Variants in GLS observed in about 807,000 individuals in gnomAD.
GLS encodes glutaminase.
GLS carries 36 observed loss-of-function variants against 86.7 expected under a neutral mutation model. The ratio of observed to expected loss-of-function variants is 0.42; its 90% CI spans 0.32 to 0.55. The LOEUF (loss-of-function observed/expected upper bound fraction) is 0.55. GLS is among the 20% of genes least tolerant of loss of function. The pLI is 0.17. For missense variants in GLS, 528 were observed against 833.4 expected (o/e 0.63, Z 4.51); for synonymous variants, 317 against 305.9 (o/e 1.04, Z -0.38).
intron 14 of GLS, among the ~76,000 whole-genome samples, chr2:190,945,291 G>T (rs1690548514): frequency 6.6e-6 from 1 of 152,066 alleles, no homozygotes; most frequent in Non-Finnish European, 1.5e-5. Flanking sequence ...TGTCTTCATA[G>T]GTTGTCAGAT....
chr2:190,937,856 TTG>T, intron 14 of GLS, among the ~76,000 whole-genome samples: 1 of 150,078 alleles, frequency 6.7e-6, no homozygotes, highest in Non-Finnish European at 1.5e-5. Flanking sequence ...TTTTTTTTTT[TTG>T]TAAATTTCAT....
intron 1 of GLS, among the ~76,000 whole-genome samples, chr2:190,886,640 G>C (rs1574557099): frequency 6.6e-6 from 1 of 152,182 alleles, no homozygotes; most frequent in Admixed American, 6.5e-5. Flanking sequence ...ATCAGGCTGG[G>C]CGTGGTGGCT....
At chr2:190,912,107 C>T (rs1185672029) in intron 7 of GLS, among the ~76,000 whole-genome samples, 3 of 152,008 alleles carry the variant, frequency 2.0e-5, no homozygotes, top group Non-Finnish European at 4.4e-5. Context: ...CATTGAGCTG[C>T]ATTTTAGTAT....
chr2:190,898,108 T>G (rs1361745472), intron 3 of GLS, among the ~76,000 whole-genome samples: 1 of 152,220 alleles, frequency 6.6e-6, no homozygotes, highest in Non-Finnish European at 1.5e-5. Context: ...ATTAAAACTT[T>G]CTTTGTATGA....
At position 190,897,797 on chromosome 2, in the gene GLS, A is replaced by G. The variant is rs1410769224; in HGVS notation, c.605+2072A>G. ...TTTTCCCCAGAGAAATAATTTATAA[A>G]GGTGGGTAGGTTTGGTTGAAGCAGT... On this transcript the variant is annotated intron_variant, in intron 3 of 17. Coordinates refer to ENST00000320717, the MANE Select transcript of GLS (RefSeq NM_014905.5). The surrounding 1 kb of genome is among the most constrained non-coding windows in gnomAD (Gnocchi z 4.3). Among the ~76,000 whole-genome samples, 1 of 152,216 alleles carries G rather than the reference A, an allele frequency of 6.6e-6. No individual in the cohort carries two copies. The highest frequency in any genetic ancestry group is 2.4e-5 in the African/African-American group (1 of 41,462).
chr2:190,955,487 C>T lies in GLS; in HGVS notation c.1853+669C>T, dbSNP rs192166029. Reference sequence around the variant, plus strand: ...CCTTTTTTATGATTGCATAGTATTCCATGGTGTATATGTGCCACATTTTCT... The same window carrying T: ...CCTTTTTTATGATTGCATAGTATTCTATGGTGTATATGTGCCACATTTTCT... On this transcript the variant is annotated intron_variant, in intron 17 of 17. Transcript: ENST00000320717. This position sits in a 1 kb window ranked among gnomAD's most constrained non-coding sequence, Gnocchi z 5.6. 2.0e-5 allele frequency among the ~76,000 whole-genome samples: 3 copies of T among 152,306 alleles called. No individual in the cohort carries two copies. In the East Asian group the frequency reaches 5.8e-4, roughly 29 times the overall value.
At chr2:190,882,910 T>C (rs1559311536) in intron 1 of GLS, among the ~76,000 whole-genome samples, 1 of 152,226 alleles carries the variant, frequency 6.6e-6, no homozygotes, top group Non-Finnish European at 1.5e-5. Context: ...GGGACTCACT[T>C]TTACTTTAAC....
intron 7 of GLS, among the ~76,000 whole-genome samples, chr2:190,918,170 C>A (rs1252655899): frequency 6.6e-6 from 1 of 152,170 alleles, no homozygotes; most frequent in Non-Finnish European, 1.5e-5. Flanking sequence ...ACATTAACTT[C>A]TTTTGGCTAT....
In GLS at chr2:190,965,296, A is replaced by G. The variant is rs1691095822; in HGVS notation, c.*2310A>G. The G allele has an allele frequency of 5.2e-5, 8 of 152,520 alleles. No individual in the cohort carries two copies. Among genetic ancestry groups the G allele is most frequent in the Admixed American group, 5.2e-4 (8 of 15,254 alleles). 9.4% of individuals were successfully genotyped at this position (152,520 alleles called of 1,614,324 possible). On this transcript the variant is annotated 3_prime_UTR_variant, in exon 18 of 18. Coordinates refer to ENST00000320717, the MANE Select transcript of GLS (RefSeq NM_014905.5). This position sits in a 1 kb window ranked among gnomAD's most constrained non-coding sequence, Gnocchi z 5.0. ...CCACTGCTGCCCGACACTGCCCTTT[A>G]GCTGCAGAGCTGGATTAGCTGTTGA...
chr2:190,904,746 G>A (rs1227295344), intron 5 of GLS, among the ~76,000 whole-genome samples: 2 of 152,108 alleles, frequency 1.3e-5, no homozygotes, highest in Non-Finnish European at 2.9e-5. Flanking sequence ...TAGGTTATAT[G>A]CAAATGCTAT....
Position 190,953,617 on chromosome 2 carries a change from C to T in GLS, c.1703C>T (p.Ala568Val). 6.2e-7 allele frequency: 1 copy of T among 1,602,062 alleles called. No individual in the cohort carries two copies. The highest frequency in any genetic ancestry group is 8.6e-7 in the Non-Finnish European group (1 of 1,169,152). Residue 568 changes from alanine (A) to valine (V), a missense_variant, in exon 15 of 18, where the codon GCA becomes GTA. By Grantham distance (64) the Ala-to-Val change is moderately conservative (BLOSUM62 0). Coordinates refer to ENST00000320717, the MANE Select transcript of GLS (RefSeq NM_014905.5). The surrounding 1 kb of genome is among the most constrained non-coding windows in gnomAD (Gnocchi z 4.0). ...LFAAYTGDVS[A>V]LRRFALSAMD... ...GCTGCATATACTGGAGATGTGTCTG[C>T]ACTTCGAAGGTATGTTTACAGGATG...
At chr2:190,883,277 G>A (rs1574553344) in intron 1 of GLS, among the ~76,000 whole-genome samples, 1 of 152,202 alleles carries the variant, frequency 6.6e-6, no homozygotes, top group African/African-American at 2.4e-5. Context: ...GTTTCCAAAT[G>A]TAGCTTTCCC....
At chr2:190,909,436 A>G (rs1228593612) in intron 6 of GLS, among the ~76,000 whole-genome samples, 3 of 152,146 alleles carry the variant, frequency 2.0e-5, no homozygotes, top group Admixed American at 6.5e-5. Context: ...AACTGAAATT[A>G]TGTGTCCTTT....
intron 1 of GLS, among the ~76,000 whole-genome samples, chr2:190,894,137 T>A (rs1338399954): frequency 6.6e-6 from 1 of 152,196 alleles, no homozygotes. Flanking sequence ...TAGAATTTGA[T>A]GTATACAGTC....
At chr2:190,937,913 A>G (rs901524645) in intron 14 of GLS, among the ~76,000 whole-genome samples, 7 of 139,612 alleles carry the variant, frequency 5.0e-5, no homozygotes, top group Non-Finnish European at 1.1e-4. Flanking sequence ...ACCATCATGT[A>G]TTGCTTTAAA....
Position 190,880,877 on chromosome 2 carries a change from CAGCAGCAGCAGCAGCA to C in GLS, c.-207_-192del. ...CGGTCGCGGCAATCCTAGCGCGCAG[CAGCAGCAGCAGCAGCA>C]GCAGCAGCAGCAGCAGCAGCAGCAG... On this transcript the variant is annotated 5_prime_UTR_variant, in exon 1 of 18. Coordinates refer to ENST00000320717, the MANE Select transcript of GLS (RefSeq NM_014905.5). 1 of 207,958 alleles carries C rather than the reference CAGCAGCAGCAGCAGCA, an allele frequency of 4.8e-6. No individual in the cohort carries two copies. Among genetic ancestry groups the C allele is most frequent in the South Asian group, 9.1e-5 (1 of 10,974 alleles). 12.9% of individuals were successfully genotyped at this position (207,958 alleles called of 1,614,324 possible). A position where few individuals can be genotyped will look rare whatever the true frequency, so the allele number is the denominator to read the frequency against.
rs1690663807 is a variant in GLS, at chr2:190,949,555, T to C, written c.1651-4010T>C. Among the ~76,000 whole-genome samples the C allele has an allele frequency of 6.6e-6, 1 of 151,822 alleles. No homozygotes were observed. Among genetic ancestry groups the C allele is most frequent in the South Asian group, 2.1e-4 (1 of 4,818 alleles). ...CCAAAAACTACAAAAATTAGATTAGTGGTGGCACATGCCTGTAATCCCAGC... is the reference window on the plus strand; with the variant it reads ...CCAAAAACTACAAAAATTAGATTAGCGGTGGCACATGCCTGTAATCCCAGC... On this transcript the variant is annotated intron_variant, in intron 14 of 17. Coordinates refer to ENST00000320717, the MANE Select transcript of GLS (RefSeq NM_014905.5). This position sits in a 1 kb window ranked among gnomAD's most constrained non-coding sequence, Gnocchi z 4.0.
In GLS at chr2:190,920,976, T is replaced by C. The variant is rs780258255; in HGVS notation, c.1039-48T>C. ...TTTTGATATTGGCTTGAAACTTAACTGTAGTGGTACCTATATTAACGTATT... is the reference window on the plus strand; with the variant it reads ...TTTTGATATTGGCTTGAAACTTAACCGTAGTGGTACCTATATTAACGTATT... On this transcript the variant is annotated intron_variant, in intron 7 of 17. Transcript: ENST00000320717. The surrounding 1 kb of genome is among the most constrained non-coding windows in gnomAD (Gnocchi z 4.2). The C allele has an allele frequency of 8.1e-6, 8 of 983,434 alleles. No individual in the cohort carries two copies. Among genetic ancestry groups the C allele is most frequent in the Non-Finnish European group, 6.5e-6 (4 of 614,438 alleles). 60.9% of individuals were successfully genotyped at this position (983,434 alleles called of 1,614,324 possible).
intron 13 of GLS, 75 bp from the exon 14 acceptor site, chr2:190,931,470 A>T: frequency 3.2e-6 from 2 of 630,610 alleles, no homozygotes; most frequent in Non-Finnish European, 5.7e-6. Flanking sequence ...ATATAAGCAG[A>T]GTTTGTTAAA....
Sources: gnomAD v4.1 joint callset for allele counts (sites outside exome capture counted in the v4.1 genomes callset) on GRCh38, gnomAD v4.1.1 for gene constraint, Gnocchi (gnomAD v3.1) non-coding constraint, MANE v1.5 for transcripts, NCBI Gene and HGNC (gene_info 2026-07-23, HGNC 2026-07-21) for gene names.